Variants in MCF2 observed in about 807,000 individuals in gnomAD.
The protein encoded by MCF2 is proto-oncogene DBL.
MCF2 carries 44 observed loss-of-function variants against 82.5 expected under a neutral mutation model. The ratio of observed to expected loss-of-function variants is 0.53; its 90% CI spans 0.42 to 0.69. MCF2 has a LOEUF of 0.69. Among genes scored for constraint, MCF2 ranks in the 30% least tolerant of loss-of-function variants. The pLI, the probability that MCF2 is intolerant of heterozygous loss-of-function variation, is 0.00. For synonymous variants in MCF2, 217 were observed against 224.9 expected (o/e 0.96, Z 0.32); for missense variants, 623 against 663.1 (o/e 0.94, Z 0.66).
intron 19 of MCF2, among the ~76,000 whole-genome samples, chrX:139,594,413 A>G (rs1231599907): frequency 9.0e-6 from 1 of 110,918 alleles, no homozygotes; most frequent in Non-Finnish European, 1.9e-5. Context: ...GCACTCAGAA[A>G]TAATGCCGCA....
At chrX:139,677,470 T>C (rs1447982435) in intron 1 of MCF2, among the ~76,000 whole-genome samples, 1 of 112,342 alleles carries the variant, frequency 8.9e-6, no homozygotes, top group Non-Finnish European at 1.9e-5. Context: ...TTCAGTTGAA[T>C]TCTTTCTTCT....
chrX:139,597,212 T>C (rs777490808), intron 18 of MCF2, among the ~76,000 whole-genome samples: 1 of 111,466 alleles, frequency 9.0e-6, no homozygotes, highest in African/African-American at 3.3e-5. Flanking sequence ...GACTCAAACA[T>C]TCCTTAAGCA....
Position 139,657,261 on chromosome X carries a change from C to T in MCF2, c.-44-5473G>A, listed in dbSNP as rs187318787. Among the ~76,000 whole-genome samples the T allele has an allele frequency of 3.2e-3, 354 of 112,380 alleles. 2 individuals carry two copies. The highest frequency in any genetic ancestry group is 0.011 in the African/African-American group (344 of 30,948). ...GCAAAAGAGTCAAGCAAACACATCACTAATATTTATTTTATTATTTAAAAG... is the reference window on the plus strand; with the variant it reads ...GCAAAAGAGTCAAGCAAACACATCATTAATATTTATTTTATTATTTAAAAG... On this transcript the variant is annotated intron_variant, in intron 1 of 27. Coordinates refer to the MCF2 transcript ENST00000414978.
At chrX:139,688,895 C>G (rs1246594885) in intron 1 of MCF2, among the ~76,000 whole-genome samples, 1 of 111,607 alleles carries the variant, frequency 9.0e-6, no homozygotes, top group Non-Finnish European at 1.9e-5. Context: ...TTCTTCCCAG[C>G]TGCAGACCCA....
intron 1 of MCF2, among the ~76,000 whole-genome samples, chrX:139,633,844 A>G (rs1416825993): frequency 9.0e-6 from 1 of 111,411 alleles, no homozygotes; most frequent in African/African-American, 3.3e-5. Flanking sequence ...TTTCTGAACT[A>G]AAGTAATGAT....
At chrX:139,683,095 A>G (rs1463910733) in intron 1 of MCF2, among the ~76,000 whole-genome samples, 1 of 111,134 alleles carries the variant, frequency 9.0e-6, no homozygotes, top group Non-Finnish European at 1.9e-5. Flanking sequence ...ATGCTCAGCT[A>G]ATTTTTTAAA....
intron 1 of MCF2, among the ~76,000 whole-genome samples, chrX:139,652,393 G>A (rs1014229034): frequency 9.0e-6 from 1 of 111,172 alleles, no homozygotes; most frequent in Non-Finnish European, 1.9e-5. Flanking sequence ...TATAAACTGG[G>A]CATAATGATA....
chrX:139,685,906 C>A (rs1935110152), intron 1 of MCF2, among the ~76,000 whole-genome samples: 1 of 111,098 alleles, frequency 9.0e-6, no homozygotes, highest in South Asian at 3.8e-4. Context: ...AAAGCTAATC[C>A]ACCATGATGA....
intron 1 of MCF2, among the ~76,000 whole-genome samples, chrX:139,667,196 C>CT (rs77565644): frequency 0.046 from 4,155 of 90,054 alleles, 156 homozygotes; most frequent in East Asian, 0.16. Flanking sequence ...ATTTTGAATT[C>CT]TTTTTTTTTT....
intron 1 of MCF2, chrX:139,642,419 C>G (rs754221015): frequency 3.3e-6 from 4 of 1,209,014 alleles, no homozygotes; most frequent in Non-Finnish European, 4.5e-6. Flanking sequence ...AGCATCCCAG[C>G]ACTTGAACTT....
At position 139,649,752 on chromosome X, in the gene MCF2, T is replaced by C. The variant is rs1190546786; in HGVS notation, c.25+1968A>G. On this transcript the variant is annotated intron_variant, in intron 2 of 27. Coordinates refer to the MCF2 transcript ENST00000414978. ...TCAAAGGAAGCTATAGGTAGAAGCA[T>C]TTTTAAAACAAATACAAAAAGCAGT... 7.1e-5 allele frequency among the ~76,000 whole-genome samples: 8 copies of C among 111,931 alleles called. No homozygotes were observed. In the Admixed American group the frequency reaches 7.6e-4, roughly 11 times the overall value.
At chrX:139,586,991 C>A (rs1250018332) in intron 22 of MCF2, among the ~76,000 whole-genome samples, 2 of 111,617 alleles carry the variant, frequency 1.8e-5, no homozygotes, top group East Asian at 5.6e-4. Flanking sequence ...TAAATCTCCA[C>A]GTGAACCACC....
intron 1 of MCF2, among the ~76,000 whole-genome samples, chrX:139,637,883 G>T (rs374828534): frequency 2.0e-3 from 222 of 111,611 alleles, no homozygotes; most frequent in African/African-American, 6.6e-3. Context: ...GGATAAGAGG[G>T]AGGCAGGAGA....
chrX:139,687,174 C>T (rs1201519720), intron 1 of MCF2, among the ~76,000 whole-genome samples: 1 of 111,459 alleles, frequency 9.0e-6, no homozygotes, highest in Non-Finnish European at 1.9e-5. Flanking sequence ...CCACTGACTG[C>T]CCCCTCTTCC....
rs1347736346 is a variant in MCF2, at chrX:139,672,983, C to G, written c.-44-21195G>C. ...GTTCGTAGGCTACTAATTATTGCCT[C>G]AATTTCAGAGCCTGTTATTGGTCTA... On this transcript the variant is annotated intron_variant, in intron 1 of 27. Transcript: ENST00000414978. Among the ~76,000 whole-genome samples, 3 of 111,752 alleles carry G rather than the reference C, an allele frequency of 2.7e-5. No homozygotes were observed. In the Admixed American group the frequency reaches 2.9e-4, roughly 11 times the overall value.
At chrX:139,615,007 T>C (rs146348305) in exon 10 of MCF2, 8 of 1,209,527 alleles carry the variant, frequency 6.6e-6, no homozygotes, top group Admixed American at 2.2e-5. Context: ...TTCTCAAATA[T>C]ACTTCGAATG....
chrX:139,594,069 T>C (rs1244695987), intron 19 of MCF2, among the ~76,000 whole-genome samples: 1 of 110,452 alleles, frequency 9.1e-6, no homozygotes, highest in Non-Finnish European at 1.9e-5. Context: ...CTCAATGAAA[T>C]AAAAGAGGAT....
intron 1 of MCF2, among the ~76,000 whole-genome samples, chrX:139,699,423 A>G (rs1052562267): frequency 8.9e-6 from 1 of 112,158 alleles, no homozygotes; most frequent in Non-Finnish European, 1.9e-5. Flanking sequence ...ATATTCACAG[A>G]GATGTACAAC....
At chrX:139,698,739 T>C (rs1275135513) in intron 1 of MCF2, among the ~76,000 whole-genome samples, 1 of 112,122 alleles carries the variant, frequency 8.9e-6, no homozygotes, top group Admixed American at 9.5e-5. Flanking sequence ...ATAAGAAATG[T>C]ACAAAGAGGA....
Sources: allele counts gnomAD v4.1 joint callset (sites outside exome capture counted in the v4.1 genomes callset), GRCh38; gene constraint gnomAD v4.1.1; transcripts MANE v1.5; gene names NCBI Gene and HGNC (gene_info 2026-07-23, HGNC 2026-07-21).